COL8A2: variants seen among roughly 807,000 people sequenced by gnomAD.
COL8A2 encodes the protein collagen alpha-2(VIII) chain.
Under a neutral mutation model 24.0 loss-of-function variants are expected in COL8A2, and 16 were observed. The observed-to-expected ratio is 0.67, with a 90% confidence interval of 0.45 to 1.01. The LOEUF is 1.01. Among genes scored for constraint, COL8A2 ranks in the 50% least tolerant of loss-of-function variants. The pLI, the probability that COL8A2 is intolerant of heterozygous loss-of-function variation, is 0.00. For missense variants in COL8A2, 818 were observed against 942.4 expected (o/e 0.87, Z 1.73); for synonymous variants, 466 against 424.5 (o/e 1.10, Z -1.20).
At position 36,100,180 on chromosome 1, in the gene COL8A2, C is replaced by G. The variant is rs536639504; in HGVS notation, c.63G>C (p.Gly21=). The change falls in exon 3 of 4, where the codon GGG becomes GGC. Residue 21 remains glycine, a synonymous_variant. Coordinates refer to ENST00000397799, the MANE Select transcript of COL8A2 (RefSeq NM_005202.4). The part of the protein sequence containing the change: ...LLLLLLVLVL[G]CGPRASSGGG... ...CACCAGAGGACGCCCGCGGCCCACA[C>G]CCCAGCACCAGCACCAGTAGCAGCA... The G allele has an allele frequency of 1.6e-5, 26 of 1,608,546 alleles. No individual in the cohort carries two copies. The Admixed American group carries it at 2.5e-4, about 16-fold the overall frequency.
chr1:36,108,875 C>T (rs1424918800), intron 2 of COL8A2, among the ~76,000 whole-genome samples: 2 of 152,138 alleles, frequency 1.3e-5, no homozygotes, highest in South Asian at 2.1e-4. Flanking sequence ...TTCCTAGAGG[C>T]GACCAGCAGA....
rs1248922935 is a variant in COL8A2 at position 36,098,656 on chromosome 1, G to A, written c.1025C>T (p.Pro342Leu). 1 of 1,610,490 alleles carries A rather than the reference G, an allele frequency of 6.2e-7. No homozygotes were observed. ...CTCCCCTGGCTCCCCATCCTCCCCT[G>A]GCTCACCCCTGTCCCCCAAGAGTCC... The part of the protein sequence containing the change: ...VPGLLGDRGE[P>L]GEDGEPGEQG... Residue 342 changes from proline (P) to leucine (L), a missense_variant, in exon 4 of 4, where the codon CCA becomes CTA. Pro to Leu is a moderately conservative substitution (Grantham distance 98, BLOSUM62 -3). Around this residue, in one of 3 missense-constraint regions of COL8A2, gnomAD observed 573 missense variants for 616.8 expected, o/e 0.93. Coordinates refer to ENST00000397799, the MANE Select transcript of COL8A2 (RefSeq NM_005202.4).
At chr1:36,121,340 G>C (rs940714671) in intron 1 of COL8A2, among the ~76,000 whole-genome samples, 3 of 125,012 alleles carry the variant, frequency 2.4e-5, no homozygotes, top group Non-Finnish European at 4.8e-5. Context: ...AGTGAGCCGA[G>C]ACCATGCCAC....
At position 36,095,434 on chromosome 1, in the gene COL8A2, CATTT is replaced by C. The variant is rs1367101773; in HGVS notation, c.*2131_*2134del. On this transcript the variant is annotated 3_prime_UTR_variant, in exon 4 of 4. Coordinates refer to ENST00000397799, the MANE Select transcript of COL8A2 (RefSeq NM_005202.4). ...TAGAAGTGAAATGACTAGTGGAAAACATTTAAACTTTAATCTTAAAAAAAAAATA... is the reference window on the plus strand; with the variant it reads ...TAGAAGTGAAATGACTAGTGGAAAACAAACTTTAATCTTAAAAAAAAAATA... 2 of 151,898 alleles carry C rather than the reference CATTT, an allele frequency of 1.3e-5. No homozygotes were observed. 9.4% of individuals were successfully genotyped at this position (151,898 alleles called of 1,614,324 possible).
chr1:36,112,863 C>T (rs576412670), intron 2 of COL8A2, among the ~76,000 whole-genome samples: 1 of 152,214 alleles, frequency 6.6e-6, no homozygotes, highest in African/African-American at 2.4e-5. Flanking sequence ...CTCTAGCGAG[C>T]TCCCAGAGGA....
chr1:36,125,197 C>T lies in COL8A2; in HGVS notation c.-202G>A. On this transcript the variant is annotated 5_prime_UTR_variant, in exon 1 of 4. Transcript: ENST00000397799. The surrounding 1 kb of genome is among the most constrained non-coding windows in gnomAD (Gnocchi z 4.5). ...CCGGCGGGGTTCCGCGTCGCTCTGCCGGCCGCCCCTCGCGGCTGCCGGAGT... is the reference window on the plus strand; with the variant it reads ...CCGGCGGGGTTCCGCGTCGCTCTGCTGGCCGCCCCTCGCGGCTGCCGGAGT... 2 of 360,744 alleles carry T rather than the reference C, an allele frequency of 5.5e-6. No homozygotes were observed. Among genetic ancestry groups the T allele is most frequent in the African/African-American group, 2.2e-5 (1 of 45,192 alleles). 22.3% of individuals were successfully genotyped at this position (360,744 alleles called of 1,614,324 possible). A position where few individuals can be genotyped will look rare whatever the true frequency, so the allele number is the denominator to read the frequency against.
rs1395971108 is a variant in COL8A2, at chr1:36,099,479, G to T, written c.202C>A (p.Leu68Ile). 1 of 1,539,218 alleles carries T rather than the reference G, an allele frequency of 6.5e-7. No individual in the cohort carries two copies. The highest frequency in any genetic ancestry group is 1.4e-5 in the African/African-American group (1 of 73,546). ...EGKGQYLEMP[L>I]PLLPMDLKGE... ...TTCAGGTCCATCGGCAGCAGCGGTA[G>T]AGGCATTTCTGAGAAAGAAAGAGAA... The change falls in exon 4 of 4, where the codon CTA (leucine) becomes ATA (isoleucine). Residue 68 changes from leucine (L) to isoleucine (I), a missense_variant. Leu to Ile is a conservative substitution (Grantham distance 5, BLOSUM62 2). This residue lies in a region of COL8A2 where 573 missense variants were observed against 616.8 expected (regional missense o/e 0.93). Transcript: ENST00000397799.
Position 36,099,335 on chromosome 1 carries a change from G to A in COL8A2, c.346C>T (p.Pro116Ser). Residue 116 changes from proline (P) to serine (S), a missense_variant, in exon 4 of 4, where the codon CCC becomes TCC. Pro to Ser is a moderately conservative substitution (Grantham distance 74). Coordinates refer to ENST00000397799, the MANE Select transcript of COL8A2 (RefSeq NM_005202.4). ...GLHGQPGPAG[P>S]PGFSRMGKAG... ...TTGCCCATCCGGGAGAAGCCAGGGG[G>A]CCCAGCAGGGCCAGGCTGCCCATGG... 1.3e-6 allele frequency: 2 copies of A among 1,582,084 alleles called. No individual in the cohort carries two copies. Among genetic ancestry groups the A allele is most frequent in the African/African-American group, 1.3e-5 (1 of 74,504 alleles).
rs1570027190 is a variant in COL8A2 at position 36,099,003 on chromosome 1, G to A, written c.678C>T (p.Gly226=). The A allele has an allele frequency of 5.7e-6, 9 of 1,585,004 alleles. No individual in the cohort carries two copies. Among genetic ancestry groups the A allele is most frequent in the Middle Eastern group, 1.7e-4 (1 of 5,910 alleles). The change falls in exon 4 of 4, where the codon GGC becomes GGT. Residue 226 remains glycine, a synonymous_variant. Transcript: ENST00000397799. The part of the protein sequence containing the change: ...PGAPGQGGAP[G]PPGLPGPAGL... The stretch of plus-strand genomic sequence containing the variant: ...CAGCTGGACCAGGGAGGCCGGGGGG[G>A]CCGGGGGCACCCCCCTGCCCTGGGG...
chr1:36,099,229 T>C lies in COL8A2; in HGVS notation c.452A>G (p.Asp151Gly), dbSNP rs890479786. The C allele has an allele frequency of 6.6e-5, 102 of 1,544,550 alleles. No individual in the cohort carries two copies. The highest frequency in any genetic ancestry group is 8.6e-5 in the Non-Finnish European group (98 of 1,144,428). Residue 151 changes from aspartate to glycine, a missense_variant, in exon 4 of 4, where the codon GAC becomes GGC. Coordinates refer to ENST00000397799, the MANE Select transcript of COL8A2 (RefSeq NM_005202.4). ...GLRGEPGIRG[D>G]QGLRGPPGPP... ...TCCTGGGGGTCCCCGGAGGCCCTGGTCCCCTCGTATTCCTGGCTCCCCCCG... is the reference window on the plus strand; with the variant it reads ...TCCTGGGGGTCCCCGGAGGCCCTGGCCCCCTCGTATTCCTGGCTCCCCCCG...
At chr1:36,104,217 C>T (rs1179251433) in intron 2 of COL8A2, among the ~76,000 whole-genome samples, 1 of 151,234 alleles carries the variant, frequency 6.6e-6, no homozygotes, top group East Asian at 2.0e-4. Flanking sequence ...ATGGGCCAGG[C>T]GCAGTGGCTC....
At chr1:36,119,544 G>GC (rs1325659814) in intron 1 of COL8A2, among the ~76,000 whole-genome samples, 3 of 152,230 alleles carry the variant, frequency 2.0e-5, no homozygotes, top group Non-Finnish European at 2.9e-5. Flanking sequence ...TGCTGCCGCT[G>GC]CAGGAGGGGG....
rs1228866417 is a variant in COL8A2, at chr1:36,099,089, G to A, written c.592C>T (p.Pro198Ser). The A allele has an allele frequency of 6.6e-7, 1 of 1,504,814 alleles. No homozygotes were observed. The highest frequency in any genetic ancestry group is 8.9e-7 in the Non-Finnish European group (1 of 1,127,272). The allele number at this position is 1,504,814 out of a possible 1,614,324, so 93.2% of individuals were successfully genotyped here. The change falls in exon 4 of 4, where the codon CCC (proline) becomes TCC (serine). Residue 198 changes from proline to serine, a missense_variant. Physicochemically the swap from Pro to Ser is moderately conservative, Grantham distance 74. Transcript: ENST00000397799. ...GEPGPQGEPGPPGDRGLKGDN... is the reference protein window; with the variant it reads ...GEPGPQGEPGSPGDRGLKGDN... Reference sequence around the variant, plus strand: ...CCCTTGAGGCCTCGATCACCTGGGGGCCCAGGCTCCCCCTGGGGCCCTGGT... The same window carrying A: ...CCCTTGAGGCCTCGATCACCTGGGGACCCAGGCTCCCCCTGGGGCCCTGGT...
rs1643649454 is a variant in COL8A2 at position 36,099,939 on chromosome 1, T to C, written c.193+111A>G. 4 of 1,014,398 alleles carry C rather than the reference T, an allele frequency of 3.9e-6. No homozygotes were observed. The South Asian group carries it at 5.3e-5, about 13-fold the overall frequency. 62.8% of individuals were successfully genotyped at this position (1,014,398 alleles called of 1,614,324 possible). ...AAAACACTGAAGGTAGGAAAATTGG[T>C]GGGGAATGAGGAGCTGTGGAGGGCG... On this transcript the variant is annotated intron_variant, in intron 3 of 3. Coordinates refer to ENST00000397799, the MANE Select transcript of COL8A2 (RefSeq NM_005202.4).
chr1:36,117,767 G>A (rs1643886843), intron 1 of COL8A2, among the ~76,000 whole-genome samples: 1 of 151,594 alleles, frequency 6.6e-6, no homozygotes, highest in Non-Finnish European at 1.5e-5. Flanking sequence ...GCTCACACCT[G>A]TAATCCCAGC....
At chr1:36,099,544 C>G (rs1344382122) in intron 3 of COL8A2, 57 bp from the exon 4 acceptor site, 1 of 1,233,650 alleles carries the variant, frequency 8.1e-7, no homozygotes, top group Non-Finnish European at 1.1e-6. Context: ...ACAGGGGACC[C>G]CATCTACCCA....
At position 36,125,208 on chromosome 1, in the gene COL8A2, C is replaced by G. The variant is rs1299350656; in HGVS notation, c.-213G>C. 6.0e-6 allele frequency: 2 copies of G among 332,306 alleles called. No homozygotes were observed. Among genetic ancestry groups the G allele is most frequent in the Non-Finnish European group, 8.5e-6 (2 of 234,386 alleles). The allele number at this position is 332,306 out of a possible 1,614,324, so 20.6% of individuals were successfully genotyped here. A position where few individuals can be genotyped will look rare whatever the true frequency, so the allele number is the denominator to read the frequency against. ...CCGCGTCGCTCTGCCGGCCGCCCCT[C>G]GCGGCTGCCGGAGTGGGCGGGCGGC... On this transcript the variant is annotated 5_prime_UTR_variant, in exon 1 of 4. Coordinates refer to ENST00000397799, the MANE Select transcript of COL8A2 (RefSeq NM_005202.4). The surrounding 1 kb of genome is among the most constrained non-coding windows in gnomAD (Gnocchi z 4.5).
At position 36,098,086 on chromosome 1, in the gene COL8A2, G is replaced by A. The variant is rs1373258201; in HGVS notation, c.1595C>T (p.Ala532Val). The A allele has an allele frequency of 1.9e-6, 3 of 1,546,112 alleles. No individual in the cohort carries two copies. Among genetic ancestry groups the A allele is most frequent in the African/African-American group, 2.7e-5 (2 of 73,158 alleles). Residue 532 changes from alanine (A) to valine (V), a missense_variant, in exon 4 of 4, where the codon GCC becomes GTC. Coordinates refer to ENST00000397799, the MANE Select transcript of COL8A2 (RefSeq NM_005202.4). ...GCCAGTCTCATCGAAGGCCCCAGGG[G>A]CACCAGGGGGTCCCGGGGGCCCGGG... The part of the protein sequence containing the change: ...GPPGPPGPPG[A>V]PGAFDETGIA...
intron 2 of COL8A2, among the ~76,000 whole-genome samples, chr1:36,113,737 T>A (rs537646932): frequency 6.6e-6 from 1 of 152,322 alleles, no homozygotes; most frequent in Admixed American, 6.5e-5. Flanking sequence ...GCCCACCTGG[T>A]CTGCCCTACC....
Sources: allele counts gnomAD v4.1 joint callset (sites outside exome capture counted in the v4.1 genomes callset), GRCh38; gene constraint gnomAD v4.1.1; regional missense constraint gnomAD v4.1.1; non-coding constraint Gnocchi (gnomAD v3.1); transcripts MANE v1.5; gene names NCBI Gene and HGNC (gene_info 2026-07-23, HGNC 2026-07-21).